COIL: variants seen among roughly 807,000 people sequenced by gnomAD.
COIL encodes coilin p80.
A neutral mutation model predicts 51.6 loss-of-function variants in COIL; 28 were observed. The ratio of observed to expected loss-of-function variants is 0.54; its 90% CI spans 0.40 to 0.74. The LOEUF (loss-of-function observed/expected upper bound fraction) is 0.74, where lower values mean the gene tolerates loss of function less well. Among genes scored for constraint, COIL ranks in the 30% least tolerant of loss-of-function variants. The pLI, the probability that COIL is intolerant of heterozygous loss-of-function variation, is 0.00. For synonymous variants in COIL, 233 were observed against 255.8 expected (o/e 0.91, Z 0.85); for missense variants, 667 against 685.9 (o/e 0.97, Z 0.31).
At chr17:56,942,229 T>A (rs954237134) in intron 5 of COIL, 106 bp from the exon 6 acceptor site, 1 of 860,734 alleles carries the variant, frequency 1.2e-6, no homozygotes, top group African/African-American at 1.7e-5. Context: ...ACAAACAAAC[T>A]GTCAATTAAT....
intron 5 of COIL, among the ~76,000 whole-genome samples, chr17:56,946,165 C>T (rs1348025945): frequency 1.3e-5 from 2 of 152,210 alleles, no homozygotes; most frequent in African/African-American, 2.4e-5. Flanking sequence ...CAGCATTCAA[C>T]TTAGGCTTCC....
At chr17:56,940,751 G>T (rs1438105696) in intron 6 of COIL, among the ~76,000 whole-genome samples, 1 of 152,104 alleles carries the variant, frequency 6.6e-6, no homozygotes, top group Admixed American at 6.6e-5. Context: ...TTAAAAGAGA[G>T]CATTTTCTTA....
intron 5 of COIL, among the ~76,000 whole-genome samples, chr17:56,946,161 T>G (rs1910245485): frequency 6.6e-6 from 1 of 152,246 alleles, no homozygotes; most frequent in Non-Finnish European, 1.5e-5. Context: ...GAGTCAGCAT[T>G]CAACTTAGGC....
At chr17:56,942,610 G>T (rs1325686044) in intron 5 of COIL, among the ~76,000 whole-genome samples, 2 of 152,050 alleles carry the variant, frequency 1.3e-5, no homozygotes, top group East Asian at 3.9e-4. Flanking sequence ...CTACCTCCTG[G>T]GTTCAAGTGA....
intron 1 of COIL, among the ~76,000 whole-genome samples, chr17:56,953,738 G>T (rs566599378): frequency 6.6e-6 from 1 of 151,926 alleles, no homozygotes; most frequent in East Asian, 1.9e-4. Flanking sequence ...ACCTCAATGC[G>T]GTAGTTGAAA....
chr17:56,949,608 C>T (rs1348738655), intron 3 of COIL, 73 bp downstream of exon 3: 2 of 1,467,130 alleles, frequency 1.4e-6, no homozygotes, highest in Non-Finnish European at 1.9e-6. Flanking sequence ...ACACATTTAA[C>T]CTGATTTTCT....
chr17:56,941,983 T>A, intron 6 of COIL, 52 bp downstream of exon 6: 1 of 1,406,032 alleles, frequency 7.1e-7, no homozygotes, highest in South Asian at 1.2e-5. Context: ...CACAGGTAAT[T>A]GGTCAAGAGA....
chr17:56,957,661 TAAAA>T (rs1347301715), intron 1 of COIL, among the ~76,000 whole-genome samples: 1 of 151,896 alleles, frequency 6.6e-6, no homozygotes, highest in East Asian at 1.9e-4. Flanking sequence ...TAAAATAAAA[TAAAA>T]AAACCAAATC....
intron 5 of COIL, 98 bp downstream of exon 5, chr17:56,946,344 T>C (rs1356266359): frequency 6.4e-6 from 5 of 780,588 alleles, no homozygotes; most frequent in Admixed American, 4.8e-5. Context: ...GCCAGTTATA[T>C]GGAGGCCAAG....
chr17:56,942,621 T>C (rs1224943054), intron 5 of COIL, among the ~76,000 whole-genome samples: 2 of 152,172 alleles, frequency 1.3e-5, no homozygotes, highest in African/African-American at 2.4e-5. Context: ...GTTCAAGTGA[T>C]TCTTGTGCCT....
intron 1 of COIL, among the ~76,000 whole-genome samples, chr17:56,953,448 G>C (rs1425651797): frequency 1.4e-5 from 2 of 147,520 alleles, no homozygotes; most frequent in Admixed American, 1.4e-4. Context: ...CATTAGGTAA[G>C]TATGGTTGGT....
intron 1 of COIL, among the ~76,000 whole-genome samples, chr17:56,953,673 G>A (rs1003695602): frequency 6.6e-6 from 1 of 152,128 alleles, no homozygotes; most frequent in Non-Finnish European, 1.5e-5. Context: ...AATGATAGGA[G>A]CATATGTGAC....
In COIL at chr17:56,938,484, G is replaced by A. The variant is rs1910082030; in HGVS notation, c.*587C>T. 2 of 152,222 alleles carry A rather than the reference G, an allele frequency of 1.3e-5. No homozygotes were observed. The highest frequency in any genetic ancestry group is 4.8e-5 in the African/African-American group (2 of 41,404). The allele number at this position is 152,222 out of a possible 1,614,324, so 9.4% of individuals were successfully genotyped here. A position where few individuals can be genotyped will look rare whatever the true frequency, so the allele number is the denominator to read the frequency against. The stretch of plus-strand genomic sequence containing the variant: ...CACATACGCACATCTTATTTTCACT[G>A]CTCTACACAGGGACCTGAGAATCCT... On this transcript the variant is annotated 3_prime_UTR_variant, in exon 7 of 7. Transcript: ENST00000240316.
At chr17:56,949,579 G>A in intron 3 of COIL, 102 bp downstream of exon 3, 1 of 1,389,474 alleles carries the variant, frequency 7.2e-7, no homozygotes, top group South Asian at 1.2e-5. Flanking sequence ...TGGGGTTCCA[G>A]TGGGAAGGGC....
Position 56,950,113 on chromosome 17 carries a change from G to A in COIL, c.1129C>T (p.Gln377Ter). The change falls in exon 2 of 7, where the codon CAG becomes TAG. Residue 377 changes from glutamine (Q) to a stop codon, truncating the protein, a stop_gained. Transcript: ENST00000240316. LOFTEE classifies it high-confidence loss of function. ...WRRSGSNGGG[Q>*]APGASPSVSL... ...ACACTGGGAGAAGCACCAGGAGCCTGTCCACCACCATTTGAGCCAGAACGC... is the reference window on the plus strand; with the variant it reads ...ACACTGGGAGAAGCACCAGGAGCCTATCCACCACCATTTGAGCCAGAACGC... 5 of 1,614,136 alleles carry A rather than the reference G, an allele frequency of 3.1e-6. No homozygotes were observed. Among genetic ancestry groups the A allele is most frequent in the Non-Finnish European group, 4.2e-6 (5 of 1,180,012 alleles).
chr17:56,950,587 G>C lies in COIL; in HGVS notation c.655C>G (p.Pro219Ala), dbSNP rs773870610. ...KDWANQRCSS[P>A]KGSARNSLVK... The stretch of plus-strand genomic sequence containing the variant: ...AGGCTGTTTCTAGCAGAACCTTTTG[G>C]AGAACTACATCTCTGATTGGCCCAG... The change falls in exon 2 of 7, where the codon CCA becomes GCA. Residue 219 changes from proline (P) to alanine (A), a missense_variant. By Grantham distance (27) the Pro-to-Ala change is conservative. Coordinates refer to ENST00000240316, the MANE Select transcript of COIL (RefSeq NM_004645.3). The C allele has an allele frequency of 1.5e-5, 24 of 1,614,096 alleles. No individual in the cohort carries two copies. Among genetic ancestry groups the C allele is most frequent in the African/African-American group, 9.3e-5 (7 of 74,922 alleles).
chr17:56,945,385 G>A (rs917699977), intron 5 of COIL, among the ~76,000 whole-genome samples: 2 of 151,936 alleles, frequency 1.3e-5, no homozygotes, highest in African/African-American at 4.8e-5. Flanking sequence ...TAAAGGAAAA[G>A]GAATCTCCCC....
In COIL at chr17:56,950,027, C is replaced by T. The variant is rs750914855; in HGVS notation, c.1215G>A (p.Lys405=). 3 of 1,614,050 alleles carry T rather than the reference C, an allele frequency of 1.9e-6. No homozygotes were observed. The highest frequency in any genetic ancestry group is 1.1e-5 in the South Asian group (1 of 91,086). ...WGREENLFSW[K]GAKGRGMRGR... is the part of the protein sequence containing the mutation. ...CCCGCATGCCCCGTCCCTTAGCTCC[C>T]TTCCAAGAAAAAAGGTTCTCTTCTC... The change falls in exon 2 of 7, where the codon AAG becomes AAA. Residue 405 remains lysine (K), a synonymous_variant. Transcript: ENST00000240316.
At chr17:56,955,540 G>A (rs1439803604) in intron 1 of COIL, among the ~76,000 whole-genome samples, 2 of 152,176 alleles carry the variant, frequency 1.3e-5, no homozygotes, top group Admixed American at 6.5e-5. Context: ...CAACGTGAAT[G>A]CCTGGGTTCA....
Sources: allele counts gnomAD v4.1 joint callset (sites outside exome capture counted in the v4.1 genomes callset), GRCh38; gene constraint gnomAD v4.1.1; transcripts MANE v1.5; gene names NCBI Gene and HGNC (gene_info 2026-07-23, HGNC 2026-07-21).